The following AXIN2 variants were observed in gnomAD, a reference collection of about 807,000 sequenced individuals.
AXIN2 encodes axin 2, also known as axin-2.
AXIN2 carries 21 observed loss-of-function variants against 74.7 expected under a neutral mutation model. The observed-to-expected ratio is 0.28, with a 90% CI of 0.20 to 0.40. AXIN2 has a LOEUF of 0.40. Ranked by LOEUF, AXIN2 falls within the 10% of genes least tolerant of loss-of-function variation. The pLI is 1.00. For missense variants in AXIN2, 1,144 were observed against 1,111.1 expected (o/e 1.03, Z -0.42); for synonymous variants, 532 against 454.9 (o/e 1.17, Z -2.16).
chr17:65,537,340 G>A lies in AXIN2; in HGVS notation c.1696C>T (p.Pro566Ser), dbSNP rs2043944814. ...KSHSKAPETM[P>S]SEQFGGSRGS... Reference sequence around the variant, plus strand: ...GGCACTTACCCAAACTGCTCGCTGGGCATGGTTTCCGGAGCCTTGGAGTGG... The same window carrying A: ...GGCACTTACCCAAACTGCTCGCTGGACATGGTTTCCGGAGCCTTGGAGTGG... Residue 566 changes from proline to serine, a missense_variant, in exon 6 of 11, where the codon CCC becomes TCC. Transcript: ENST00000307078. 6.2e-7 allele frequency: 1 copy of A among 1,614,114 alleles called. No homozygotes were observed. The highest frequency in any genetic ancestry group is 8.5e-7 in the Non-Finnish European group (1 of 1,180,032).
intron 10 of AXIN2, 88 bp from the exon 11 acceptor site, chr17:65,530,190 T>TAA (rs2043793375): frequency 1.1e-5 from 17 of 1,565,486 alleles, no homozygotes; most frequent in Non-Finnish European, 1.5e-5. Flanking sequence ...AGGACTGAGG[T>TAA]ATCCTAGGAA....
chr17:65,549,419 C>T (rs976689399), intron 3 of AXIN2, 101 bp downstream of exon 3: 14 of 1,439,038 alleles, frequency 9.7e-6, no homozygotes, highest in East Asian at 2.4e-5. Context: ...TGCACAGGTG[C>T]GGTCTGCAAA....
intron 10 of AXIN2, among the ~76,000 whole-genome samples, chr17:65,530,592 G>C (rs550022529): frequency 9.8e-5 from 15 of 152,362 alleles, no homozygotes; most frequent in East Asian, 5.8e-4. Context: ...GTCTGTAAAA[G>C]GCTGACTTCC....
chr17:65,538,772 A>G (rs2043992588), intron 4 of AXIN2, among the ~76,000 whole-genome samples: 1 of 150,448 alleles, frequency 6.6e-6, no homozygotes, highest in Non-Finnish European at 1.5e-5. Flanking sequence ...CTAAACAGAA[A>G]GAGAGTTGAA....
At chr17:65,544,452 T>A (rs1347411379) in intron 3 of AXIN2, among the ~76,000 whole-genome samples, 1 of 136,878 alleles carries the variant, frequency 7.3e-6, no homozygotes, top group Non-Finnish European at 1.5e-5. Flanking sequence ...AAAGGCAACT[T>A]GTAACCAGAG....
intron 4 of AXIN2, among the ~76,000 whole-genome samples, chr17:65,540,921 G>A (rs937767237): frequency 2.0e-5 from 3 of 152,032 alleles, no homozygotes; most frequent in Admixed American, 6.6e-5. Flanking sequence ...TCGCTCTGTC[G>A]CCCAGGCTGG....
chr17:65,538,053 C>T (rs1844803086), intron 5 of AXIN2, 150 bp downstream of exon 5: 5 of 1,445,144 alleles, frequency 3.5e-6, no homozygotes, highest in Admixed American at 3.9e-5. Context: ...ACACAGCCCA[C>T]GCCCAGGCAC....
intron 4 of AXIN2, among the ~76,000 whole-genome samples, chr17:65,540,302 C>A (rs919091139): frequency 6.6e-6 from 1 of 152,176 alleles, no homozygotes; most frequent in South Asian, 2.1e-4. Context: ...TTATTGAGCA[C>A]CTATTATGTG....
At chr17:65,530,658 G>C (rs1173493638) in intron 10 of AXIN2, among the ~76,000 whole-genome samples, 1 of 152,188 alleles carries the variant, frequency 6.6e-6, no homozygotes, top group Non-Finnish European at 1.5e-5. Flanking sequence ...GGTCCCAAGT[G>C]CAACACTCCT....
intron 2 of AXIN2, among the ~76,000 whole-genome samples, chr17:65,552,346 G>A (rs1422565184): frequency 6.6e-6 from 1 of 152,228 alleles, no homozygotes; most frequent in African/African-American, 2.4e-5. Context: ...GGGACAGGCT[G>A]TGAAATCACC....
intron 1 of AXIN2, chr17:65,560,685 G>A (rs1280201050): frequency 6.6e-6 from 1 of 151,850 alleles, no homozygotes; most frequent in Non-Finnish European, 1.5e-5. Flanking sequence ...AAGCCCCCCG[G>A]AACGCTGGGC....
chr17:65,545,794 G>A (rs1158333500), intron 3 of AXIN2, among the ~76,000 whole-genome samples: 2 of 152,110 alleles, frequency 1.3e-5, no homozygotes, highest in African/African-American at 4.8e-5. Context: ...TCAGCAGTAG[G>A]CTTTGGGAGA....
At position 65,538,054 on chromosome 17, in the gene AXIN2, G is replaced by A. The variant is rs184732657; in HGVS notation, c.1200+149C>T. The A allele has an allele frequency of 7.6e-3, 10,992 of 1,445,160 alleles. 476 individuals are homozygous for A. The Admixed American group carries it at 0.096, about 13-fold the overall frequency. The allele number at this position is 1,445,160 out of a possible 1,614,324, so 89.5% of individuals were successfully genotyped here. A position where few individuals can be genotyped will look rare whatever the true frequency, so the allele number is the denominator to read the frequency against. On this transcript the variant is annotated intron_variant, in intron 5 of 10. Coordinates refer to ENST00000307078, the MANE Select transcript of AXIN2 (RefSeq NM_004655.4). ...CCATGCACATGCGCACACAGCCCACGCCCAGGCACACACCCACACGCAGCC... is the reference window on the plus strand; with the variant it reads ...CCATGCACATGCGCACACAGCCCACACCCAGGCACACACCCACACGCAGCC...
chr17:65,533,065 G>A (rs2043851138), intron 10 of AXIN2, among the ~76,000 whole-genome samples: 1 of 152,218 alleles, frequency 6.6e-6, no homozygotes, highest in Non-Finnish European at 1.5e-5. Flanking sequence ...TCCTTACGAG[G>A]GAAATGATCA....
chr17:65,529,872 T>C lies in AXIN2; in HGVS notation c.*104A>G. The C allele has an allele frequency of 1.3e-6, 2 of 1,591,798 alleles. No individual in the cohort carries two copies. The highest frequency in any genetic ancestry group is 1.7e-6 in the Non-Finnish European group (2 of 1,165,106). ...TCTTCCTTAGACTTTGTCTTCTTCA[T>C]TGGTTTAATTTTCCTTCAAAATGTT... On this transcript the variant is annotated 3_prime_UTR_variant, in exon 11 of 11. Transcript: ENST00000307078.
At chr17:65,539,821 C>A (rs1360773814) in intron 4 of AXIN2, among the ~76,000 whole-genome samples, 1 of 152,212 alleles carries the variant, frequency 6.6e-6, no homozygotes, top group Non-Finnish European at 1.5e-5. Context: ...GTGCTTTCTT[C>A]CCCTCCCCTC....
Position 65,550,728 on chromosome 17 carries a change from G to A in AXIN2, c.816-1068C>T, listed in dbSNP as rs572800195. Among the ~76,000 whole-genome samples the A allele has an allele frequency of 4.6e-5, 7 of 152,328 alleles. No homozygotes were observed. In the South Asian group the frequency reaches 6.2e-4, roughly 14 times the overall value. On this transcript the variant is annotated intron_variant, in intron 2 of 10. Coordinates refer to ENST00000307078, the MANE Select transcript of AXIN2 (RefSeq NM_004655.4). ...CAGCAGCTGGTCTGTAAAGATGGCC[G>A]TGGGGTTGGCAAATGAAAAGGACCC...
chr17:65,556,646 T>TGGCC (rs566100728), intron 2 of AXIN2, among the ~76,000 whole-genome samples: 17 of 152,274 alleles, frequency 1.1e-4, no homozygotes, highest in Admixed American at 3.9e-4. Context: ...CCTAAAATCA[T>TGGCC]GGCCCGCTAG....
rs2240307 is a variant in AXIN2 at position 65,558,189 on chromosome 17, A to G, written c.432T>C (p.Ile144=). 32,503 of 1,613,946 alleles carry G rather than the reference A, an allele frequency of 0.02. 1,500 individuals carry two copies. Among genetic ancestry groups the G allele is most frequent in the East Asian group, 0.16 (7,394 of 44,870 alleles). The change falls in exon 2 of 11, where the codon ATT becomes ATC. Residue 144 remains isoleucine, a synonymous_variant. Transcript: ENST00000307078. The part of the protein sequence containing the change: ...IYKRYIENNS[I]VSKQLKPATK... ...TGGCAGGCTTCAGCTGCTTGGAGAC[A>G]ATGCTGTTGTTCTCAATGTACCTTT...
Sources: gnomAD v4.1 joint callset for allele counts (sites outside exome capture counted in the v4.1 genomes callset) on GRCh38, gnomAD v4.1.1 for gene constraint, MANE v1.5 for transcripts, NCBI Gene and HGNC (gene_info 2026-07-23, HGNC 2026-07-21) for gene names.